The following PARP8 variants were observed in gnomAD, a reference collection of about 807,000 sequenced individuals.
PARP8 encodes the protein protein mono-ADP-ribosyltransferase PARP8.
In PARP8, 51 loss-of-function variants were observed where a neutral mutation model predicts 124.1. The ratio of observed to expected loss-of-function variants is 0.41; its 90% CI spans 0.33 to 0.52. PARP8 has a LOEUF of 0.52. Among genes scored for constraint, PARP8 ranks in the 20% least tolerant of loss-of-function variants. The pLI, the probability that PARP8 is intolerant of heterozygous loss-of-function variation, is 0.21. For synonymous variants in PARP8, 391 were observed against 361.5 expected, an observed-to-expected ratio of 1.08 and a Z score of -0.93; for missense variants, 860 against 1,018.9, an observed-to-expected ratio of 0.84 and a Z score of 2.12.
intron 2 of PARP8, among the ~76,000 whole-genome samples, chr5:50,722,766 G>A (rs1314840591): frequency 6.6e-6 from 1 of 152,038 alleles, no homozygotes; most frequent in Non-Finnish European, 1.5e-5. Context: ...AAGATTCTAT[G>A]CATCTGGTAT....
At chr5:50,765,810 G>T (rs1760999069) in intron 7 of PARP8, among the ~76,000 whole-genome samples, 1 of 152,212 alleles carries the variant, frequency 6.6e-6, no homozygotes, top group African/African-American at 2.4e-5. Flanking sequence ...CAAGGGAAAA[G>T]AGGTGGGTAG....
chr5:50,738,803 A>G (rs1319715950), intron 2 of PARP8, among the ~76,000 whole-genome samples: 1 of 152,154 alleles, frequency 6.6e-6, no homozygotes, highest in African/African-American at 2.4e-5. Context: ...ATTCAAAGCC[A>G]TCCTGGACTG....
intron 14 of PARP8, 21 bp from the exon 15 acceptor site, chr5:50,815,411 T>G: frequency 6.5e-7 from 1 of 1,531,338 alleles, no homozygotes; most frequent in African/African-American, 1.4e-5. Flanking sequence ...GTTTTGTGAT[T>G]GATTCCTTTT....
At chr5:50,748,349 C>T (rs547398473) in intron 2 of PARP8, among the ~76,000 whole-genome samples, 2 of 152,060 alleles carry the variant, frequency 1.3e-5, no homozygotes, top group South Asian at 4.2e-4. Flanking sequence ...ACCATCCTAC[C>T]CCTCCCTGTT....
rs1291182010 is a variant in PARP8 at position 50,824,962 on chromosome 5, C to G, written c.1915C>G (p.Pro639Ala). 6.2e-7 allele frequency: 1 copy of G among 1,611,778 alleles called. No homozygotes were observed. The highest frequency in any genetic ancestry group is 8.5e-7 in the Non-Finnish European group (1 of 1,178,062). The change falls in exon 18 of 26, where the codon CCC (proline) becomes GCC (alanine). Residue 639 changes from proline to alanine, a missense_variant. By Grantham distance (27) the Pro-to-Ala change is conservative. Coordinates refer to ENST00000281631, the MANE Select transcript of PARP8 (RefSeq NM_024615.4). ...QMDKQDPLAHPLLQWVISSNR... is the reference protein window; with the variant it reads ...QMDKQDPLAHALLQWVISSNR... The stretch of plus-strand genomic sequence containing the variant: ...GGATAAACAGGACCCCCTTGCTCAT[C>G]CCTTACTGCAATGGTATAAAATTCT...
intron 25 of PARP8, among the ~76,000 whole-genome samples, chr5:50,835,243 TA>T (rs369919383): frequency 2.0e-5 from 3 of 151,864 alleles, no homozygotes; most frequent in East Asian, 1.9e-4. Flanking sequence ...AACTTACAAC[TA>T]AAAAAAACAC....
At chr5:50,755,486 G>A (rs113240270) in intron 3 of PARP8, among the ~76,000 whole-genome samples, 31,191 of 151,972 alleles carry the variant, frequency 0.21, 3,378 homozygotes, top group South Asian at 0.34. Context: ...AGCTCAGATG[G>A]TTGTAGATGT....
chr5:50,778,705 C>A, intron 9 of PARP8, 55 bp downstream of exon 9: 1 of 1,161,370 alleles, frequency 8.6e-7, no homozygotes, highest in South Asian at 1.8e-5. Context: ...GTGCACTATG[C>A]CTTAAGCAAA....
chr5:50,734,077 A>G (rs946656548), intron 2 of PARP8, among the ~76,000 whole-genome samples: 25 of 152,222 alleles, frequency 1.6e-4, no homozygotes, highest in African/African-American at 6.0e-4. Context: ...AGAAAATCCT[A>G]TGATTTAATG....
Position 50,828,370 on chromosome 5 carries a change from A to C in PARP8, c.2149A>C (p.Asn717His). The C allele has an allele frequency of 6.2e-7, 1 of 1,612,858 alleles. No individual in the cohort carries two copies. Among genetic ancestry groups the C allele is most frequent in the East Asian group, 2.2e-5 (1 of 44,864 alleles). ...GAGGAATGGTCTGGTTGTTGCTTCT[A>C]ATACACGATTGCAGGTAGATTTTCT... ...ILRNGLVVAS[N>H]TRLQLHGAMY... The change falls in exon 21 of 26, where the codon AAT (asparagine) becomes CAT (histidine). Residue 717 changes from asparagine (N) to histidine (H), a missense_variant. Physicochemically the swap from Asn to His is moderately conservative, Grantham distance 68. Transcript: ENST00000281631.
At position 50,740,194 on chromosome 5, in the gene PARP8, TTAA is replaced by T. The variant is rs138813757; in HGVS notation, c.147-9953_147-9951del. Among the ~76,000 whole-genome samples the T allele has an allele frequency of 3.0e-3, 457 of 152,312 alleles. 2 individuals carry two copies. Among genetic ancestry groups the T allele is most frequent in the African/African-American group, 0.01 (424 of 41,578 alleles). ...ATGGATTTAGCAGGGGAAGCAAATATTAATAAGTCATACAATCAGCCATATTTA... is the reference window on the plus strand; with the variant it reads ...ATGGATTTAGCAGGGGAAGCAAATATTAAGTCATACAATCAGCCATATTTA... On this transcript the variant is annotated intron_variant, in intron 2 of 25. Transcript: ENST00000281631.
chr5:50,667,766 C>T (rs934605607), intron 1 of PARP8: 5 of 752,672 alleles, frequency 6.6e-6, no homozygotes, highest in Admixed American at 6.0e-5. Flanking sequence ...CCATTTTGCT[C>T]CCCCGGGATT....
At chr5:50,689,345 A>G (rs1443194611) in intron 2 of PARP8, among the ~76,000 whole-genome samples, 3 of 152,152 alleles carry the variant, frequency 2.0e-5, no homozygotes, top group Non-Finnish European at 4.4e-5. Context: ...GAGCCACTTA[A>G]TTCTACTGAG....
intron 25 of PARP8, among the ~76,000 whole-genome samples, chr5:50,836,613 G>A (rs1747613811): frequency 6.6e-6 from 1 of 152,172 alleles, no homozygotes; most frequent in Non-Finnish European, 1.5e-5. Context: ...GGCTCCTGGG[G>A]CAGAACGAAG....
At chr5:50,733,969 T>TGTC (rs1757242841) in intron 2 of PARP8, among the ~76,000 whole-genome samples, 1 of 152,196 alleles carries the variant, frequency 6.6e-6, no homozygotes, top group Non-Finnish European at 1.5e-5. Flanking sequence ...CATTTCCTTA[T>TGTC]TTTCTTCATA....
intron 10 of PARP8, among the ~76,000 whole-genome samples, chr5:50,792,080 C>T (rs544456467): frequency 2.6e-5 from 4 of 152,170 alleles, no homozygotes; most frequent in African/African-American, 9.6e-5. Context: ...CATAGTTGGC[C>T]GTGATATCAT....
intron 3 of PARP8, among the ~76,000 whole-genome samples, 180 bp downstream of exon 3, chr5:50,750,368 C>T (rs1332919094): frequency 6.6e-6 from 1 of 152,038 alleles, no homozygotes; most frequent in Non-Finnish European, 1.5e-5. Context: ...CTCTGAGACA[C>T]AGTGCAGAAT....
Position 50,797,123 on chromosome 5 carries a change from T to C in PARP8, c.1480-15T>C. 6.2e-7 allele frequency: 1 copy of C among 1,610,790 alleles called. No homozygotes were observed. Among genetic ancestry groups the C allele is most frequent in the Non-Finnish European group, 8.5e-7 (1 of 1,177,774 alleles). ...TGAGCTTGTCTTAATTATTTTTCCT[T>C]ACTGTTTTATTCAGACAATTGAGTT... On this transcript the variant is annotated splice_polypyrimidine_tract_variant and intron_variant, in intron 13 of 25. Transcript: ENST00000281631.
intron 1 of PARP8, 155 bp from the exon 2 acceptor site, chr5:50,667,916 T>C (rs1279726849): frequency 6.7e-7 from 1 of 1,491,080 alleles, no homozygotes; most frequent in Admixed American, 2.2e-5. Flanking sequence ...CCGCATCCCC[T>C]CGGACGCGGC....
Sources: gnomAD v4.1 joint callset for allele counts (sites outside exome capture counted in the v4.1 genomes callset) on GRCh38, gnomAD v4.1.1 for gene constraint, MANE v1.5 for transcripts, NCBI Gene and HGNC (gene_info 2026-07-23, HGNC 2026-07-21) for gene names.